NELL1: variants seen among roughly 807,000 people sequenced by gnomAD.
NELL1 encodes the protein neural EGFL like 1.
In NELL1, 76 loss-of-function variants were observed where a neutral mutation model predicts 107.4. That is an observed-to-expected ratio of 0.71 (90% CI 0.59 to 0.86). NELL1 has a LOEUF of 0.86. NELL1 is among the 40% of genes least tolerant of loss of function. The probability of loss-of-function intolerance (pLI) is 0.00; values close to 1 mark genes in which losing one functional copy is unlikely to be tolerated. For missense variants in NELL1, 1,024 were observed against 1,005.5 expected, an observed-to-expected ratio of 1.02 and a Z score of -0.25; for synonymous variants, 353 against 341.2, an observed-to-expected ratio of 1.03 and a Z score of -0.38.
chr11:21,557,797 T>C (rs1856756923), intron 16 of NELL1, among the ~76,000 whole-genome samples: 1 of 152,080 alleles, frequency 6.6e-6, no homozygotes, highest in South Asian at 2.1e-4. Context: ...GACCGAGTTT[T>C]GGCAAAGTAG....
At chr11:21,044,465 GA>G (rs1285033768) in intron 12 of NELL1, among the ~76,000 whole-genome samples, 1 of 152,174 alleles carries the variant, frequency 6.6e-6, no homozygotes, top group Non-Finnish European at 1.5e-5. Context: ...AAATGGATCA[GA>G]AAGGGCAGAT....
intron 15 of NELL1, among the ~76,000 whole-genome samples, chr11:21,466,296 G>T (rs1564908333): frequency 1.3e-5 from 2 of 152,144 alleles, no homozygotes; most frequent in Non-Finnish European, 2.9e-5. Context: ...CTACTAGCTG[G>T]ATTCATAAGG....
intron 15 of NELL1, among the ~76,000 whole-genome samples, chr11:21,516,266 A>C (rs1248759297): frequency 2.0e-5 from 3 of 152,184 alleles, no homozygotes; most frequent in Non-Finnish European, 4.4e-5. Flanking sequence ...AAAACATAGT[A>C]TCTGAGTACT....
At chr11:21,454,796 T>C (rs949171825) in intron 15 of NELL1, among the ~76,000 whole-genome samples, 1 of 152,226 alleles carries the variant, frequency 6.6e-6, no homozygotes, top group Non-Finnish European at 1.5e-5. Context: ...TCATTGTTCC[T>C]CTTCTTAAAG....
chr11:21,481,256 C>T (rs1455578462), intron 15 of NELL1, among the ~76,000 whole-genome samples: 1 of 152,176 alleles, frequency 6.6e-6, no homozygotes, highest in African/African-American at 2.4e-5. Context: ...ACAAAGACAG[C>T]TTCATAAAGG....
chr11:21,530,982 T>C (rs903873554), intron 15 of NELL1, among the ~76,000 whole-genome samples: 3 of 152,110 alleles, frequency 2.0e-5, no homozygotes, highest in African/African-American at 7.2e-5. Flanking sequence ...AAGGTAAACC[T>C]GCATAAAATG....
At chr11:21,415,827 T>G (rs114095266) in intron 15 of NELL1, among the ~76,000 whole-genome samples, 2,198 of 152,150 alleles carry the variant, frequency 0.014, 56 homozygotes, top group African/African-American at 0.046. Context: ...TGTTTGAAAC[T>G]CAGGGATGTA....
intron 13 of NELL1, among the ~76,000 whole-genome samples, chr11:21,156,825 G>A (rs965056341): frequency 2.0e-5 from 3 of 151,922 alleles, no homozygotes; most frequent in Non-Finnish European, 2.9e-5. Flanking sequence ...AGATGCGGTG[G>A]CTCATGCCTG....
chr11:21,305,687 T>C (rs1362712272), intron 14 of NELL1, among the ~76,000 whole-genome samples: 2 of 151,968 alleles, frequency 1.3e-5, no homozygotes, highest in Non-Finnish European at 2.9e-5. Context: ...CTAGACAGTA[T>C]AGATTCTATA....
chr11:21,054,902 A>C (rs953146147), intron 12 of NELL1, among the ~76,000 whole-genome samples: 1 of 152,042 alleles, frequency 6.6e-6, no homozygotes, highest in Admixed American at 6.6e-5. Context: ...GATTTATGTC[A>C]TACCCTTAAA....
chr11:21,557,501 G>T (rs372571776), intron 16 of NELL1, among the ~76,000 whole-genome samples: 127 of 152,134 alleles, frequency 8.3e-4, no homozygotes, highest in African/African-American at 3.0e-3. Context: ...CAACCCTTTT[G>T]TAGCCACTGG....
At position 20,975,669 on chromosome 11, in the gene NELL1, ATAT is replaced by A. The variant is rs537229474; in HGVS notation, c.1300+15113_1300+15115del. Among the ~76,000 whole-genome samples, 192 of 115,006 alleles carry A rather than the reference ATAT, an allele frequency of 1.7e-3. 1 individual carries two copies. Among genetic ancestry groups the A allele is most frequent in the African/African-American group, 6.8e-3 (178 of 26,334 alleles). The allele number at this position is 115,006 out of a possible 152,430, so 75.4% of individuals were successfully genotyped here. Reference sequence around the variant, plus strand: ...ATAATGTATGTATTATATAATATACATATTATATATGTATTATATAATGTATGT... The same window carrying A: ...ATAATGTATGTATTATATAATATACATATATATGTATTATATAATGTATGT... On this transcript the variant is annotated intron_variant, in intron 12 of 19. Coordinates refer to ENST00000357134, the MANE Select transcript of NELL1 (RefSeq NM_006157.5).
chr11:21,293,675 C>A (rs905372332), intron 14 of NELL1, among the ~76,000 whole-genome samples: 2 of 152,098 alleles, frequency 1.3e-5, no homozygotes, highest in Non-Finnish European at 2.9e-5. Flanking sequence ...AGACTTGGAG[C>A]CAACCCAACT....
Position 20,669,802 on chromosome 11 carries a change from A to T in NELL1, c.55+24A>T. The T allele has an allele frequency of 6.2e-7, 1 of 1,606,748 alleles. No individual in the cohort carries two copies. Among genetic ancestry groups the T allele is most frequent in the Non-Finnish European group, 8.5e-7 (1 of 1,173,834 alleles). On this transcript the variant is annotated intron_variant, in intron 1 of 19. Coordinates refer to ENST00000357134, the MANE Select transcript of NELL1 (RefSeq NM_006157.5). This position sits in a 1 kb window ranked among gnomAD's most constrained non-coding sequence, Gnocchi z 4.4. Reference sequence around the variant, plus strand: ...AGGTAAGCATGACTGTGGCGGTTAGAGGGATCCGGGAAATGGGGGTGCCCA... The same window carrying T: ...AGGTAAGCATGACTGTGGCGGTTAGTGGGATCCGGGAAATGGGGGTGCCCA...
chr11:21,152,342 GAT>G (rs1856137306), intron 13 of NELL1, among the ~76,000 whole-genome samples: 1 of 152,226 alleles, frequency 6.6e-6, no homozygotes, highest in South Asian at 2.1e-4. Context: ...TTTGACAGGT[GAT>G]ATGTTTTTGC....
chr11:21,117,665 A>C (rs922815410), intron 13 of NELL1, among the ~76,000 whole-genome samples: 6 of 151,906 alleles, frequency 3.9e-5, no homozygotes, highest in African/African-American at 1.4e-4. Flanking sequence ...GATAAATTTT[A>C]TTTTTTGCTT....
At chr11:21,381,484 A>G (rs1263926840) in intron 15 of NELL1, among the ~76,000 whole-genome samples, 1 of 151,958 alleles carries the variant, frequency 6.6e-6, no homozygotes, top group Admixed American at 6.6e-5. Context: ...ATTAAATGAG[A>G]TATTGTACTT....
At chr11:21,056,176 G>A (rs1853610794) in intron 12 of NELL1, among the ~76,000 whole-genome samples, 1 of 152,170 alleles carries the variant, frequency 6.6e-6, no homozygotes, top group Non-Finnish European at 1.5e-5. Flanking sequence ...ACTGAATGAA[G>A]CAGGGCAGCA....
chr11:21,318,331 G>A (rs1453987), intron 14 of NELL1, among the ~76,000 whole-genome samples: 69,071 of 151,980 alleles, frequency 0.45, 16,315 homozygotes, highest in Non-Finnish European at 0.5. Context: ...GGTCAGGGAA[G>A]CAGTGATTTA....
Sources: allele counts gnomAD v4.1 joint callset (sites outside exome capture counted in the v4.1 genomes callset), GRCh38; gene constraint gnomAD v4.1.1; non-coding constraint Gnocchi (gnomAD v3.1); transcripts MANE v1.5; gene names NCBI Gene and HGNC (gene_info 2026-07-23, HGNC 2026-07-21).